Variants in XPO4 observed in about 807,000 individuals in gnomAD.
XPO4 encodes the protein exportin-4.
In XPO4, 39 loss-of-function variants were observed where a neutral mutation model predicts 143.0. The ratio of observed to expected loss-of-function variants is 0.27; its 90% CI spans 0.21 to 0.36. The LOEUF (loss-of-function observed/expected upper bound fraction) is 0.36, where lower values mean the gene tolerates loss of function less well. Among genes scored for constraint, XPO4 ranks in the 10% least tolerant of loss-of-function variants. The probability of loss-of-function intolerance (pLI) is 1.00; values close to 1 mark genes in which losing one functional copy is unlikely to be tolerated. For missense variants in XPO4, 907 were observed against 1,348.0 expected, an observed-to-expected ratio of 0.67 and a Z score of 5.12; for synonymous variants, 439 against 474.0, an observed-to-expected ratio of 0.93 and a Z score of 0.96.
intron 9 of XPO4, among the ~76,000 whole-genome samples, chr13:20,818,225 C>G (rs2059674590): frequency 1.3e-5 from 2 of 152,134 alleles, no homozygotes; most frequent in African/African-American, 4.8e-5. Flanking sequence ...TATCAAGAAA[C>G]TTCTGCAGCC....
rs1219703955 is a variant in XPO4 at position 20,815,379 on chromosome 13, T to C, written c.1174-5412A>G. On this transcript the variant is annotated intron_variant, in intron 9 of 22. Transcript: ENST00000255305. Reference sequence around the variant, plus strand: ...CAATGTACCACTCTCGTGTGGGATGTTGATGGGTGAGGGTGGGGAGGCTGC... The same window carrying C: ...CAATGTACCACTCTCGTGTGGGATGCTGATGGGTGAGGGTGGGGAGGCTGC... Among the ~76,000 whole-genome samples the C allele has an allele frequency of 2.6e-5, 4 of 152,182 alleles. No homozygotes were observed. The South Asian group carries it at 8.3e-4, about 32-fold the overall frequency.
chr13:20,870,014 C>T (rs2060279418), intron 1 of XPO4, among the ~76,000 whole-genome samples: 1 of 145,408 alleles, frequency 6.9e-6, no homozygotes, highest in African/African-American at 2.5e-5. Context: ...GCATGAGAAT[C>T]GCTTGAACCC....
chr13:20,799,119 A>C (rs747739837), intron 16 of XPO4, 46 bp downstream of exon 16: 2 of 1,510,200 alleles, frequency 1.3e-6, no homozygotes, highest in South Asian at 2.7e-5. Flanking sequence ...TAAAGGAACT[A>C]CAGAGTTACA....
At chr13:20,789,793 TACAC>T (rs2059255757) in intron 19 of XPO4, among the ~76,000 whole-genome samples, 1 of 152,054 alleles carries the variant, frequency 6.6e-6, no homozygotes, top group African/African-American at 2.4e-5. Flanking sequence ...CATGTGCACA[TACAC>T]ACACAAACTC....
At chr13:20,898,847 G>A (rs765847191) in intron 1 of XPO4, among the ~76,000 whole-genome samples, 53 of 152,122 alleles carry the variant, frequency 3.5e-4, no homozygotes, top group Non-Finnish European at 6.2e-4. Context: ...ACAAGAGGAT[G>A]TGCATAGGTC....
At chr13:20,888,044 G>A (rs1372360372) in intron 1 of XPO4, among the ~76,000 whole-genome samples, 1 of 151,444 alleles carries the variant, frequency 6.6e-6, no homozygotes, top group African/African-American at 2.4e-5. Context: ...GCATGGTAGT[G>A]TACGCCTGTA....
chr13:20,812,840 T>A lies in XPO4; in HGVS notation c.1174-2873A>T, dbSNP rs1288229566. Among the ~76,000 whole-genome samples, 4 of 151,608 alleles carry A rather than the reference T, an allele frequency of 2.6e-5. No individual in the cohort carries two copies. The East Asian group carries it at 7.7e-4, about 29-fold the overall frequency. ...CAAATTTTCTGTAAACCTAAAATTA[T>A]TCCATATTTTAAATACAGAATTATT... On this transcript the variant is annotated intron_variant, in intron 9 of 22. Coordinates refer to ENST00000255305, the MANE Select transcript of XPO4 (RefSeq NM_022459.5).
chr13:20,831,763 T>C (rs2059854514), intron 6 of XPO4, among the ~76,000 whole-genome samples: 1 of 151,624 alleles, frequency 6.6e-6, no homozygotes, highest in East Asian at 1.9e-4. Flanking sequence ...TTCCCATCCA[T>C]GTTCTCACCA....
chr13:20,827,231 A>AT, intron 6 of XPO4, 52 bp from the exon 7 acceptor site: 3 of 1,316,374 alleles, frequency 2.3e-6, no homozygotes, highest in Non-Finnish European at 3.3e-6. Context: ...TGTCTAAAGT[A>AT]TAAGTATATC....
intron 1 of XPO4, among the ~76,000 whole-genome samples, chr13:20,900,548 A>G (rs773707817): frequency 6.6e-6 from 1 of 152,172 alleles, no homozygotes; most frequent in African/African-American, 2.4e-5. Flanking sequence ...AAATAATACA[A>G]TAACTACTCT....
At chr13:20,809,261 G>A in intron 10 of XPO4, 36 bp from the exon 11 acceptor site, 1 of 1,602,298 alleles carries the variant, frequency 6.2e-7, no homozygotes, top group South Asian at 1.1e-5. Context: ...ATGAGGAACT[G>A]CATTGCCTAT....
rs2059556613 is a variant in XPO4, at chr13:20,809,971, A to T, written c.1174-4T>A. On this transcript the variant is annotated splice_region_variant and splice_polypyrimidine_tract_variant and intron_variant, in intron 9 of 22. Transcript: ENST00000255305. ...ATACCATGTCATCTTTATCAAGCTA[A>T]AAGAAAAGAACACTCATAAAACAAA... is the stretch of plus-strand genomic sequence containing the variant. The T allele has an allele frequency of 1.3e-6, 2 of 1,596,344 alleles. No individual in the cohort carries two copies. The highest frequency in any genetic ancestry group is 1.7e-6 in the Non-Finnish European group (2 of 1,172,076).
At chr13:20,896,075 T>C (rs901522153) in intron 1 of XPO4, among the ~76,000 whole-genome samples, 2 of 152,214 alleles carry the variant, frequency 1.3e-5, no homozygotes, top group African/African-American at 2.4e-5. Context: ...CCCTATACCT[T>C]TACAATGTGA....
At chr13:20,830,302 A>C (rs1237310259) in intron 6 of XPO4, among the ~76,000 whole-genome samples, 5 of 151,976 alleles carry the variant, frequency 3.3e-5, no homozygotes, top group African/African-American at 4.8e-5. Flanking sequence ...TTATTACAAA[A>C]CTCCATGTTA....
Position 20,787,016 on chromosome 13 carries a change from C to A in XPO4, c.3207G>T (p.Glu1069Asp). ...AAGCTTCGCCAGCCGCAGTGGTCAT[C>A]TCTGTGTTGTGCTTTTGCAAAACCA... ...DMLVLQKHNT[E>D]MTTAAGEAFY... The change falls in exon 22 of 23, where the codon GAG (glutamate) becomes GAT (aspartate). Residue 1069 changes from glutamate to aspartate, a missense_variant. By Grantham distance (45) the Glu-to-Asp change is conservative. Coordinates refer to ENST00000255305, the MANE Select transcript of XPO4 (RefSeq NM_022459.5). The A allele has an allele frequency of 6.4e-7, 1 of 1,567,824 alleles. No homozygotes were observed. Among genetic ancestry groups the A allele is most frequent in the East Asian group, 2.3e-5 (1 of 42,936 alleles).
rs544410636 is a variant in XPO4, at chr13:20,799,364, A to G, written c.2148-25T>C. 4 of 1,602,798 alleles carry G rather than the reference A, an allele frequency of 2.5e-6. No homozygotes were observed. The Admixed American group carries it at 6.7e-5, about 27-fold the overall frequency. ...CCTACAGGTAGAAATAACAAAACAT[A>G]AGATGTATTACTATGTATATACATA... On this transcript the variant is annotated intron_variant, in intron 15 of 22. Transcript: ENST00000255305.
intron 4 of XPO4, among the ~76,000 whole-genome samples, chr13:20,844,184 A>T (rs2060007322): frequency 6.6e-6 from 1 of 152,348 alleles, no homozygotes; most frequent in South Asian, 2.1e-4. Flanking sequence ...AATGATATTT[A>T]AAAATAATAA....
chr13:20,843,710 T>C (rs921374766), intron 5 of XPO4, 60 bp downstream of exon 5: 22 of 1,166,006 alleles, frequency 1.9e-5, no homozygotes, highest in Non-Finnish European at 2.4e-5. Context: ...TCATTAGGAA[T>C]AGATTGAGTA....
chr13:20,843,759 A>G lies in XPO4; in HGVS notation c.573+11T>C. The G allele has an allele frequency of 6.3e-7, 1 of 1,582,104 alleles. No homozygotes were observed. The highest frequency in any genetic ancestry group is 8.7e-7 in the Non-Finnish European group (1 of 1,152,100). Reference sequence around the variant, plus strand: ...CCAATAATTAAAACTCAAGAACAAAACTACCAATACCTGAAAAACTCTTTT... The same window carrying G: ...CCAATAATTAAAACTCAAGAACAAAGCTACCAATACCTGAAAAACTCTTTT... On this transcript the variant is annotated intron_variant, in intron 5 of 22. Transcript: ENST00000255305.
Sources: allele counts gnomAD v4.1 joint callset (sites outside exome capture counted in the v4.1 genomes callset), GRCh38; gene constraint gnomAD v4.1.1; transcripts MANE v1.5; gene names NCBI Gene and HGNC (gene_info 2026-07-23, HGNC 2026-07-21).